Variants in ARHGAP10 observed in about 807,000 individuals in gnomAD.
ARHGAP10 encodes the protein rho GTPase-activating protein 10.
ARHGAP10 carries 87 observed loss-of-function variants against 108.6 expected under a neutral mutation model. The observed-to-expected ratio is 0.80, with a 90% CI of 0.67 to 0.96. The LOEUF (loss-of-function observed/expected upper bound fraction) is 0.96. ARHGAP10 is among the 40% of genes least tolerant of loss of function. ARHGAP10 has a pLI of 0.00. For missense variants in ARHGAP10, 939 were observed against 954.5 expected (o/e 0.98, Z 0.21); for synonymous variants, 347 against 341.1 (o/e 1.02, Z -0.19).
At chr4:147,970,824 AT>A (rs1314255355) in intron 18 of ARHGAP10, among the ~76,000 whole-genome samples, 2 of 152,232 alleles carry the variant, frequency 1.3e-5, no homozygotes, top group Non-Finnish European at 2.9e-5. Context: ...ATGGTGGCTC[AT>A]GCCTGTAATC....
At chr4:147,820,031 C>T (rs959270345) in intron 1 of ARHGAP10, among the ~76,000 whole-genome samples, 2 of 152,060 alleles carry the variant, frequency 1.3e-5, no homozygotes, top group African/African-American at 2.4e-5. Flanking sequence ...GGAAATAAGA[C>T]GGCAGTAGAA....
chr4:148,014,228 G>C (rs991221269), intron 18 of ARHGAP10, among the ~76,000 whole-genome samples: 7 of 152,172 alleles, frequency 4.6e-5, no homozygotes, highest in Non-Finnish European at 1.0e-4. Flanking sequence ...TTCAAAAAAG[G>C]CTTTGGCTTT....
At chr4:148,059,700 G>A (rs1228752374) in intron 20 of ARHGAP10, among the ~76,000 whole-genome samples, 2 of 152,124 alleles carry the variant, frequency 1.3e-5, no homozygotes, top group Admixed American at 6.5e-5. Context: ...GTCAAGAACT[G>A]TGAAGGGTCT....
At chr4:147,812,073 G>T (rs535300024) in intron 1 of ARHGAP10, among the ~76,000 whole-genome samples, 25 of 152,250 alleles carry the variant, frequency 1.6e-4, no homozygotes, top group African/African-American at 6.0e-4. Context: ...GTTCTCTCGA[G>T]GCAACCTCCT....
intron 1 of ARHGAP10, among the ~76,000 whole-genome samples, chr4:147,760,664 C>T (rs941939989): frequency 1.3e-5 from 2 of 152,152 alleles, no homozygotes; most frequent in Non-Finnish European, 2.9e-5. Context: ...TCATTTTGAC[C>T]TCTCCCATTT....
intron 18 of ARHGAP10, among the ~76,000 whole-genome samples, chr4:148,001,863 G>A (rs2149645894): frequency 6.6e-6 from 1 of 152,234 alleles, no homozygotes; most frequent in Admixed American, 6.5e-5. Context: ...CTGCAAACAG[G>A]GACAATTTGA....
chr4:147,874,537 T>C (rs994823975), intron 7 of ARHGAP10, among the ~76,000 whole-genome samples: 1 of 152,230 alleles, frequency 6.6e-6, no homozygotes, highest in Non-Finnish European at 1.5e-5. Flanking sequence ...CTGACACTTG[T>C]ATTTATTAGT....
intron 1 of ARHGAP10, among the ~76,000 whole-genome samples, chr4:147,735,882 T>C (rs1578981071): frequency 6.6e-6 from 1 of 152,256 alleles, no homozygotes; most frequent in East Asian, 1.9e-4. Context: ...TTTAAACTTT[T>C]GTAAGCCTTC....
At chr4:147,852,354 G>T (rs968279823) in intron 4 of ARHGAP10, among the ~76,000 whole-genome samples, 1 of 152,212 alleles carries the variant, frequency 6.6e-6, no homozygotes, top group Non-Finnish European at 1.5e-5. Context: ...GCTCTGACAG[G>T]TGTCTGCCAG....
intron 1 of ARHGAP10, among the ~76,000 whole-genome samples, chr4:147,786,560 C>T (rs529168629): frequency 1.3e-5 from 2 of 152,190 alleles, no homozygotes; most frequent in South Asian, 4.2e-4. Context: ...TTCCATGAAA[C>T]GTTGAGTTTC....
chr4:147,858,193 C>T (rs1357531618), intron 5 of ARHGAP10: 1 of 152,136 alleles, frequency 6.6e-6, no homozygotes, highest in African/African-American at 2.4e-5. Context: ...TTCATTTTCT[C>T]TTTGTTTACT....
intron 10 of ARHGAP10, among the ~76,000 whole-genome samples, chr4:147,903,711 A>G (rs1736342800): frequency 6.6e-6 from 1 of 152,214 alleles, no homozygotes; most frequent in Non-Finnish European, 1.5e-5. Context: ...CACAGTGTGT[A>G]GACTTTTCAG....
chr4:148,022,388 G>A (rs557675604), intron 18 of ARHGAP10, among the ~76,000 whole-genome samples: 22 of 152,306 alleles, frequency 1.4e-4, no homozygotes, highest in African/African-American at 5.3e-4. Context: ...CAGCCCTTTG[G>A]AGATGCAGCT....
At chr4:147,760,796 C>G (rs1295125581) in intron 1 of ARHGAP10, among the ~76,000 whole-genome samples, 1 of 152,050 alleles carries the variant, frequency 6.6e-6, no homozygotes, top group Non-Finnish European at 1.5e-5. Flanking sequence ...TGTTAGTCTC[C>G]TCTGGGAGGG....
In ARHGAP10 at chr4:147,796,440, G is replaced by A. The variant is rs77384670; in HGVS notation, c.155-26287G>A. Among the ~76,000 whole-genome samples the A allele has an allele frequency of 6.5e-3, 994 of 152,192 alleles. 13 individuals are homozygous for A. Among genetic ancestry groups the A allele is most frequent in the East Asian group, 0.035 (181 of 5,182 alleles). On this transcript the variant is annotated intron_variant, in intron 1 of 22. Coordinates refer to ENST00000336498, the MANE Select transcript of ARHGAP10 (RefSeq NM_024605.4). The stretch of plus-strand genomic sequence containing the variant: ...CCCTCCTGGAAGAGACAACAACGGA[G>A]CTTCCTCTTAGAGGAGGTACATAAT...
intron 1 of ARHGAP10, among the ~76,000 whole-genome samples, chr4:147,803,208 C>T (rs768562506): frequency 5.3e-5 from 8 of 152,064 alleles, no homozygotes; most frequent in Non-Finnish European, 7.4e-5. Context: ...GGGGTTTCAC[C>T]GTGTTGGCCA....
chr4:147,756,218 A>G (rs1279104874), intron 1 of ARHGAP10, among the ~76,000 whole-genome samples: 1 of 151,716 alleles, frequency 6.6e-6, no homozygotes, highest in Non-Finnish European at 1.5e-5. Flanking sequence ...CTAATACCTC[A>G]TGGGCCGCAG....
chr4:147,791,112 CTTT>C (rs368304720), intron 1 of ARHGAP10, among the ~76,000 whole-genome samples: 5 of 134,234 alleles, frequency 3.7e-5, no homozygotes, highest in Admixed American at 7.4e-5. Flanking sequence ...ATATTCTTTA[CTTT>C]TTTTTTTTTT....
At chr4:148,016,912 G>C (rs756634761) in intron 18 of ARHGAP10, among the ~76,000 whole-genome samples, 7 of 151,234 alleles carry the variant, frequency 4.6e-5, no homozygotes, top group Admixed American at 4.6e-4. Flanking sequence ...TTGGGAAGCT[G>C]CAGCAGGCAG....
Sources: gnomAD v4.1 joint callset for allele counts (sites outside exome capture counted in the v4.1 genomes callset) on GRCh38, gnomAD v4.1.1 for gene constraint, MANE v1.5 for transcripts, NCBI Gene and HGNC (gene_info 2026-07-23, HGNC 2026-07-21) for gene names.